Variants in SLC4A10 observed in about 807,000 individuals in gnomAD.
SLC4A10 encodes solute carrier family 4 member 10, also known as sodium-driven chloride bicarbonate exchanger.
Under a neutral mutation model 137.7 loss-of-function variants are expected in SLC4A10, and 42 were observed. The ratio of observed to expected loss-of-function variants is 0.30; its 90% CI spans 0.24 to 0.39. The LOEUF is 0.39. SLC4A10 is among the 10% of genes least tolerant of loss of function. The pLI is 1.00. For synonymous variants in SLC4A10, 474 were observed against 464.1 expected, an observed-to-expected ratio of 1.02 and a Z score of -0.27; for missense variants, 925 against 1,355.0, an observed-to-expected ratio of 0.68 and a Z score of 4.98.
intron 21 of SLC4A10, among the ~76,000 whole-genome samples, chr2:161,960,490 C>G (rs567195450): frequency 9.3e-5 from 14 of 151,282 alleles, no homozygotes; most frequent in Admixed American, 9.2e-4. Flanking sequence ...CAGACCAAGG[C>G]GGGTGGATCA....
At chr2:161,876,447 G>A (rs2125942274) in intron 8 of SLC4A10, among the ~76,000 whole-genome samples, 1 of 152,298 alleles carries the variant, frequency 6.6e-6, no homozygotes, top group Non-Finnish European at 1.5e-5. Flanking sequence ...GAGAGGCCAA[G>A]TCAGGAGGAT....
chr2:161,624,441 C>A lies in SLC4A10; in HGVS notation c.-78C>A. On this transcript the variant is annotated 5_prime_UTR_variant, in exon 1 of 27. Transcript: ENST00000446997. ...AGAGCTACCTGATCCGAATACTAAG[C>A]AGAGCGAGTGCCGGGCTGAGTGTAA... is the stretch of plus-strand genomic sequence containing the variant. The A allele has an allele frequency of 6.5e-7, 1 of 1,548,184 alleles. No homozygotes were observed. The highest frequency in any genetic ancestry group is 2.0e-5 in the Admixed American group (1 of 50,808).
intron 1 of SLC4A10, among the ~76,000 whole-genome samples, chr2:161,759,216 A>G (rs1467537617): frequency 6.6e-6 from 1 of 151,936 alleles, no homozygotes; most frequent in East Asian, 1.9e-4. Context: ...ACAAATAAAA[A>G]CTGTGTATAT....
chr2:161,777,419 A>C (rs1218323687), intron 2 of SLC4A10, among the ~76,000 whole-genome samples: 2 of 151,998 alleles, frequency 1.3e-5, no homozygotes, highest in Non-Finnish European at 2.9e-5. Context: ...CATAGCCAGG[A>C]AATCTTTGCC....
intron 15 of SLC4A10, among the ~76,000 whole-genome samples, chr2:161,942,072 C>A (rs1413604763): frequency 6.6e-6 from 1 of 152,102 alleles, no homozygotes; most frequent in East Asian, 1.9e-4. Context: ...CAAGTAGAAA[C>A]TATACGATAT....
At position 161,950,815 on chromosome 2, in the gene SLC4A10, T is replaced by A. The variant is rs1350709815; in HGVS notation, c.2508T>A (p.Ala836=). The change falls in exon 19 of 27, where the codon GCT becomes GCA. Residue 836 remains alanine, a synonymous_variant. Coordinates refer to ENST00000446997, the MANE Select transcript of SLC4A10 (RefSeq NM_001178015.2). ...TTTTTATGGACCAACAGATTACAGC[T>A]GTCATCATCAACAGGAAAGAGCATA... ...ILIFMDQQIT[A]VIINRKEHKL... The A allele has an allele frequency of 6.2e-7, 1 of 1,605,944 alleles. No homozygotes were observed. The highest frequency in any genetic ancestry group is 8.5e-7 in the Non-Finnish European group (1 of 1,175,764).
At chr2:161,899,243 A>G (rs1266360511) in intron 11 of SLC4A10, among the ~76,000 whole-genome samples, 1 of 152,008 alleles carries the variant, frequency 6.6e-6, no homozygotes, top group African/African-American at 2.4e-5. Context: ...TATCACTTTT[A>G]TTAGCATACA....
chr2:161,868,932 T>A (rs2060939804), intron 6 of SLC4A10, among the ~76,000 whole-genome samples: 1 of 151,532 alleles, frequency 6.6e-6, no homozygotes, highest in East Asian at 1.9e-4. Context: ...AACATTGCAA[T>A]GACATTCATT....
intron 1 of SLC4A10, among the ~76,000 whole-genome samples, chr2:161,683,311 A>T (rs1473273444): frequency 2.0e-5 from 3 of 152,214 alleles, no homozygotes; most frequent in Non-Finnish European, 4.4e-5. Context: ...CCTAAGAGGA[A>T]TTCAATAAAC....
chr2:161,774,032 C>T (rs2052007813), intron 2 of SLC4A10, among the ~76,000 whole-genome samples: 2 of 151,794 alleles, frequency 1.3e-5, no homozygotes, highest in African/African-American at 4.8e-5. Flanking sequence ...CTGAGTCTTT[C>T]CCATTATACA....
Position 161,862,867 on chromosome 2 carries a change from T to C in SLC4A10, c.578-7T>C. ...GTGCTTATCTTCTTCCGGCCTTTTC[T>C]CTTCAGATATGGTTCTTGACCAACA... On this transcript the variant is annotated splice_polypyrimidine_tract_variant and splice_region_variant and intron_variant, in intron 5 of 26. Transcript: ENST00000446997. The C allele has an allele frequency of 6.4e-7, 1 of 1,569,832 alleles. No homozygotes were observed.
intron 11 of SLC4A10, among the ~76,000 whole-genome samples, chr2:161,900,081 A>C (rs1682707759): frequency 6.6e-6 from 1 of 152,068 alleles, no homozygotes; most frequent in South Asian, 2.1e-4. Context: ...TTTTCCTATT[A>C]TCCTTTGAAG....
At chr2:161,682,380 T>C (rs920692457) in intron 1 of SLC4A10, among the ~76,000 whole-genome samples, 1 of 152,136 alleles carries the variant, frequency 6.6e-6, no homozygotes, top group Non-Finnish European at 1.5e-5. Context: ...TTTTTAAAGA[T>C]TTATGCTTAT....
At chr2:161,775,614 T>C (rs2052227249) in intron 2 of SLC4A10, among the ~76,000 whole-genome samples, 1 of 151,854 alleles carries the variant, frequency 6.6e-6, no homozygotes, top group Admixed American at 6.6e-5. Context: ...TACTGAGCCT[T>C]AAACTCCAGG....
At chr2:161,964,429 A>T in intron 22 of SLC4A10, 121 bp downstream of exon 22, 2 of 1,100,268 alleles carry the variant, frequency 1.8e-6, no homozygotes, top group East Asian at 2.5e-5. Context: ...GGAAAATATA[A>T]GTTTTGGCAC....
intron 3 of SLC4A10, among the ~76,000 whole-genome samples, chr2:161,823,975 T>G (rs1465761458): frequency 6.6e-6 from 1 of 152,196 alleles, no homozygotes; most frequent in African/African-American, 2.4e-5. Flanking sequence ...TGCCTGCCAG[T>G]CTCTTGGTTG....
At chr2:161,666,426 G>A (rs2039054168) in intron 1 of SLC4A10, among the ~76,000 whole-genome samples, 1 of 151,524 alleles carries the variant, frequency 6.6e-6, no homozygotes, top group South Asian at 2.1e-4. Context: ...TGCTCATTAA[G>A]GGGGAAAAAA....
chr2:161,874,556 G>A (rs186135079), intron 8 of SLC4A10, among the ~76,000 whole-genome samples: 1 of 152,142 alleles, frequency 6.6e-6, no homozygotes, highest in Admixed American at 6.5e-5. Flanking sequence ...GTCAAACTTC[G>A]ATTTCCTTTC....
At chr2:161,649,134 G>A (rs1341053534) in intron 1 of SLC4A10, among the ~76,000 whole-genome samples, 2 of 152,154 alleles carry the variant, frequency 1.3e-5, no homozygotes, top group African/African-American at 4.8e-5. Flanking sequence ...TTTGGAGGCC[G>A]AGGTGGTGGA....
Sources: allele counts gnomAD v4.1 joint callset (sites outside exome capture counted in the v4.1 genomes callset), GRCh38; gene constraint gnomAD v4.1.1; transcripts MANE v1.5; gene names NCBI Gene and HGNC (gene_info 2026-07-23, HGNC 2026-07-21).